The following SRPK2 variants were observed in gnomAD, a reference collection of about 807,000 sequenced individuals.
SRPK2 encodes SFRS protein kinase 2.
In SRPK2, 21 loss-of-function variants were observed where a neutral mutation model predicts 90.8. The observed-to-expected ratio is 0.23, with a 90% CI of 0.16 to 0.33. The LOEUF is 0.33. Among genes scored for constraint, SRPK2 ranks in the 10% least tolerant of loss-of-function variants. SRPK2 has a pLI of 1.00. For missense variants in SRPK2, 620 were observed against 869.0 expected, an observed-to-expected ratio of 0.71 and a Z score of 3.60; for synonymous variants, 288 against 311.1, an observed-to-expected ratio of 0.93 and a Z score of 0.78.
chr7:105,263,682 A>G (rs1804640246), intron 2 of SRPK2, among the ~76,000 whole-genome samples: 1 of 152,220 alleles, frequency 6.6e-6, no homozygotes, highest in Admixed American at 6.5e-5. Flanking sequence ...CCTAAAAGTC[A>G]ATCTAGCAGA....
At chr7:105,243,069 C>A (rs1321001423) in intron 2 of SRPK2, among the ~76,000 whole-genome samples, 1 of 152,098 alleles carries the variant, frequency 6.6e-6, no homozygotes, top group Non-Finnish European at 1.5e-5. Context: ...CTGGGGTACA[C>A]TAACTCACCG....
intron 2 of SRPK2, among the ~76,000 whole-genome samples, chr7:105,366,568 C>T (rs1819089309): frequency 6.6e-6 from 1 of 151,758 alleles, no homozygotes. Flanking sequence ...CAGAGTTTCA[C>T]CATATTGGGC....
intron 1 of SRPK2, among the ~76,000 whole-genome samples, chr7:105,397,163 G>A (rs1645634961): frequency 6.7e-6 from 1 of 148,956 alleles, no homozygotes; most frequent in Admixed American, 6.7e-5. Context: ...GACTACAGGT[G>A]CACACCAGCA....
intron 2 of SRPK2, chr7:105,206,357 C>T (rs1372863992): frequency 5.3e-6 from 1 of 187,564 alleles, no homozygotes; most frequent in African/African-American, 2.3e-5. Context: ...TGAGAGATTC[C>T]CGCACCTTCA....
intron 3 of SRPK2, among the ~76,000 whole-genome samples, chr7:105,196,505 G>A (rs1225332556): frequency 6.6e-6 from 1 of 152,150 alleles, no homozygotes; most frequent in African/African-American, 2.4e-5. Context: ...TGTCCTGTGC[G>A]CTGTGGAACC....
At chr7:105,158,237 G>C (rs910334756) in intron 7 of SRPK2, among the ~76,000 whole-genome samples, 1 of 151,572 alleles carries the variant, frequency 6.6e-6, no homozygotes, top group Non-Finnish European at 1.5e-5. Context: ...AATGTCAATG[G>C]CTCATCTGTG....
intron 6 of SRPK2, among the ~76,000 whole-genome samples, chr7:105,164,672 ACATGGTGACATTCC>A (rs1343752177): frequency 3.3e-5 from 5 of 152,222 alleles, no homozygotes; most frequent in African/African-American, 1.2e-4. Flanking sequence ...TTTTCTATGA[ACATGGTGACATTCC>A]CTTGTATAAA....
At chr7:105,227,653 T>C (rs1259466929) in intron 2 of SRPK2, among the ~76,000 whole-genome samples, 1 of 152,220 alleles carries the variant, frequency 6.6e-6, no homozygotes, top group African/African-American at 2.4e-5. Context: ...TCTGCTGTTT[T>C]GTAAAACATT....
chr7:105,331,190 T>C (rs183723516), intron 2 of SRPK2, among the ~76,000 whole-genome samples: 61 of 151,472 alleles, frequency 4.0e-4, no homozygotes, highest in Non-Finnish European at 7.7e-4. Context: ...ATGACTGTAA[T>C]CCCAGCTACG....
intron 11 of SRPK2, 143 bp from the exon 12 acceptor site, chr7:105,133,247 A>C (rs1024490237): frequency 7.7e-6 from 6 of 774,666 alleles, no homozygotes; most frequent in Non-Finnish European, 1.0e-5. Flanking sequence ...ATTAAACTTG[A>C]CAGAACTAAA....
At chr7:105,173,182 G>C (rs184335227) in intron 3 of SRPK2, among the ~76,000 whole-genome samples, 5 of 151,950 alleles carry the variant, frequency 3.3e-5, no homozygotes, top group Non-Finnish European at 5.9e-5. Flanking sequence ...AGAGCAGCAC[G>C]AACAGGGCTT....
At chr7:105,299,086 C>T (rs1810208814) in intron 2 of SRPK2, among the ~76,000 whole-genome samples, 1 of 152,228 alleles carries the variant, frequency 6.6e-6, no homozygotes, top group Non-Finnish European at 1.5e-5. Context: ...CCTAACAGGA[C>T]TGGCTGCCCA....
chr7:105,154,979 T>C (rs1049456965), intron 7 of SRPK2, among the ~76,000 whole-genome samples: 4 of 151,320 alleles, frequency 2.6e-5, no homozygotes, highest in African/African-American at 9.7e-5. Flanking sequence ...GGCCCACCCT[T>C]ATTCTTGTTT....
intron 3 of SRPK2, among the ~76,000 whole-genome samples, chr7:105,170,522 A>C (rs1197611123): frequency 6.6e-6 from 1 of 151,682 alleles, no homozygotes; most frequent in African/African-American, 2.4e-5. Flanking sequence ...GTGAAACCCC[A>C]TCTCTACTAA....
chr7:105,256,073 C>T (rs1212236863), intron 2 of SRPK2, among the ~76,000 whole-genome samples: 2 of 152,114 alleles, frequency 1.3e-5, no homozygotes, highest in African/African-American at 2.4e-5. Flanking sequence ...GTTTGGCATG[C>T]CTCAAATGTC....
At chr7:105,383,723 T>C (rs567944254) in intron 2 of SRPK2, among the ~76,000 whole-genome samples, 32 of 152,146 alleles carry the variant, frequency 2.1e-4, no homozygotes, top group African/African-American at 6.7e-4. Flanking sequence ...TGGCCAGAAA[T>C]AGAAAAATTT....
At chr7:105,165,177 G>A (rs1271630261) in intron 6 of SRPK2, among the ~76,000 whole-genome samples, 1 of 152,126 alleles carries the variant, frequency 6.6e-6, no homozygotes, top group African/African-American at 2.4e-5. Flanking sequence ...CAACTCCTCA[G>A]GTAGAGGAAG....
In SRPK2 at chr7:105,341,344, C is replaced by T. The variant is rs536906214; in HGVS notation, c.71+47304G>A. Among the ~76,000 whole-genome samples the T allele has an allele frequency of 4.0e-5, 5 of 125,848 alleles. No homozygotes were observed. In the East Asian group the frequency reaches 8.7e-4, roughly 22 times the overall value. 82.6% of individuals were successfully genotyped at this position (125,848 alleles called of 152,430 possible). A position where few individuals can be genotyped will look rare whatever the true frequency, so the allele number is the denominator to read the frequency against. On this transcript the variant is annotated intron_variant, in intron 2 of 15. Transcript: ENST00000393651. ...CTGCACTCCAGCCTGGGCGAAAGGG[C>T]GAGACTCCGTCTCAAAAAAAAAAAA...
intron 2 of SRPK2, among the ~76,000 whole-genome samples, chr7:105,268,403 C>A (rs1236299392): frequency 6.6e-6 from 1 of 152,216 alleles, no homozygotes; most frequent in Non-Finnish European, 1.5e-5. Flanking sequence ...TATTTTTAAC[C>A]TACATTTTAC....
Sources: allele counts gnomAD v4.1 joint callset (sites outside exome capture counted in the v4.1 genomes callset), GRCh38; gene constraint gnomAD v4.1.1; transcripts MANE v1.5; gene names NCBI Gene and HGNC (gene_info 2026-07-23, HGNC 2026-07-21).